The following NPAS3 variants were observed in gnomAD, a reference collection of about 807,000 sequenced individuals.
The protein encoded by NPAS3 is neuronal PAS domain-containing protein 3.
A neutral mutation model predicts 73.1 loss-of-function variants in NPAS3; 14 were observed. The ratio of observed to expected loss-of-function variants is 0.19; its 90% CI spans 0.13 to 0.30. The LOEUF is 0.30. Ranked by LOEUF, NPAS3 falls within the 10% of genes least tolerant of loss-of-function variation. The pLI is 1.00. For synonymous variants in NPAS3, 620 were observed against 541.5 expected (o/e 1.14, Z -2.01); for missense variants, 1,096 against 1,250.0 (o/e 0.88, Z 1.86).
chr14:33,300,115 G>A (rs1007082625), intron 3 of NPAS3, among the ~76,000 whole-genome samples: 4 of 152,154 alleles, frequency 2.6e-5, no homozygotes, highest in Admixed American at 6.5e-5. Flanking sequence ...AAAGATTTCA[G>A]TTTACATTTG....
At chr14:32,952,716 T>G (rs1256170001) in intron 1 of NPAS3, among the ~76,000 whole-genome samples, 2 of 152,140 alleles carry the variant, frequency 1.3e-5, no homozygotes. Flanking sequence ...TAGTTAAAAG[T>G]CACTAACTGT....
At chr14:33,751,525 C>G (rs925500724) in intron 7 of NPAS3, among the ~76,000 whole-genome samples, 2 of 152,196 alleles carry the variant, frequency 1.3e-5, no homozygotes. Flanking sequence ...ATACAAAGCA[C>G]TGCATAGACC....
rs537807459 is a variant in NPAS3, at chr14:33,499,093, C to T, written c.469-61028C>T. ...GAAAAAATTTCTTTTAAGCACAAGT[C>T]ATTAACACTGTAGGAAAAGCCCTGA... is the stretch of plus-strand genomic sequence containing the variant. On this transcript the variant is annotated intron_variant, in intron 4 of 11. Transcript: ENST00000356141. Among the ~76,000 whole-genome samples the T allele has an allele frequency of 2.4e-3, 360 of 151,580 alleles. 4 individuals carry two copies. The highest frequency in any genetic ancestry group is 8.3e-3 in the African/African-American group (345 of 41,350).
At chr14:33,665,263 G>A (rs1409810975) in intron 5 of NPAS3, among the ~76,000 whole-genome samples, 1 of 152,188 alleles carries the variant, frequency 6.6e-6, no homozygotes, top group Non-Finnish European at 1.5e-5. Flanking sequence ...CATGGACACA[G>A]GGAGGGGAAC....
chr14:33,535,278 G>A (rs1020008083), intron 4 of NPAS3, among the ~76,000 whole-genome samples: 7 of 152,102 alleles, frequency 4.6e-5, no homozygotes, highest in African/African-American at 7.2e-5. Flanking sequence ...AGTACCCTTA[G>A]GCATATGACT....
chr14:33,649,869 C>A (rs1028937694), intron 5 of NPAS3, among the ~76,000 whole-genome samples: 3 of 152,098 alleles, frequency 2.0e-5, no homozygotes, highest in African/African-American at 7.2e-5. Context: ...AGAGAGAAAC[C>A]AAGTTTGACC....
At chr14:33,246,437 G>T (rs1435931937) in intron 3 of NPAS3, among the ~76,000 whole-genome samples, 1 of 150,472 alleles carries the variant, frequency 6.6e-6, no homozygotes, top group Non-Finnish European at 1.5e-5. Flanking sequence ...TACTTGGGAG[G>T]CTGAGGCAGG....
At chr14:33,408,660 G>A (rs1043982184) in intron 4 of NPAS3, among the ~76,000 whole-genome samples, 3 of 152,140 alleles carry the variant, frequency 2.0e-5, no homozygotes, top group Admixed American at 6.6e-5. Context: ...GTTAATAGCA[G>A]CACATGTGGG....
intron 2 of NPAS3, among the ~76,000 whole-genome samples, chr14:33,106,549 A>C (rs1195918672): frequency 6.6e-6 from 1 of 152,196 alleles, no homozygotes; most frequent in Non-Finnish European, 1.5e-5. Flanking sequence ...GTGGTTGACT[A>C]ATCAGTTGAA....
chr14:33,536,381 C>A (rs1156266327), intron 4 of NPAS3, among the ~76,000 whole-genome samples: 2 of 152,118 alleles, frequency 1.3e-5, no homozygotes, highest in African/African-American at 2.4e-5. Context: ...GGGTAATAAT[C>A]ATAAACAGTA....
intron 4 of NPAS3, among the ~76,000 whole-genome samples, chr14:33,416,329 G>A (rs148195754): frequency 5.3e-4 from 80 of 152,184 alleles, no homozygotes; most frequent in African/African-American, 1.8e-3. Flanking sequence ...TTGGACAGAG[G>A]CGGGGCACTA....
intron 7 of NPAS3, among the ~76,000 whole-genome samples, chr14:33,740,698 T>A (rs1269414218): frequency 6.6e-6 from 1 of 152,228 alleles, no homozygotes; most frequent in Non-Finnish European, 1.5e-5. Flanking sequence ...GGGTCCATAG[T>A]GTTCCTTTTA....
At chr14:33,022,210 A>C (rs985594617) in intron 1 of NPAS3, among the ~76,000 whole-genome samples, 1 of 152,246 alleles carries the variant, frequency 6.6e-6, no homozygotes, top group African/African-American at 2.4e-5. Context: ...TGGGAAAATA[A>C]TGAAGACAGA....
intron 2 of NPAS3, among the ~76,000 whole-genome samples, chr14:33,160,316 C>G (rs1010091740): frequency 6.6e-6 from 1 of 151,884 alleles, no homozygotes; most frequent in Non-Finnish European, 1.5e-5. Context: ...GGTTTATTAA[C>G]TCAGTTTTGA....
chr14:32,982,304 T>C (rs367566682), intron 1 of NPAS3, among the ~76,000 whole-genome samples: 2 of 152,320 alleles, frequency 1.3e-5, no homozygotes, highest in South Asian at 2.1e-4. Context: ...ACACCTCCTA[T>C]TAGGCCCCAC....
At chr14:33,169,797 T>A (rs2045319020) in intron 2 of NPAS3, among the ~76,000 whole-genome samples, 1 of 152,340 alleles carries the variant, frequency 6.6e-6, no homozygotes, top group South Asian at 2.1e-4. Flanking sequence ...TAAGCTTTTG[T>A]ATGAAAGCAG....
chr14:33,755,400 A>G (rs536414987), intron 7 of NPAS3, among the ~76,000 whole-genome samples: 1 of 152,344 alleles, frequency 6.6e-6, no homozygotes, highest in South Asian at 2.1e-4. Flanking sequence ...CCTTCAGATT[A>G]CCCATTTTAT....
chr14:33,084,545 T>C (rs1407734767), intron 2 of NPAS3, among the ~76,000 whole-genome samples: 3 of 152,226 alleles, frequency 2.0e-5, no homozygotes, highest in Admixed American at 6.5e-5. Context: ...AACAGTGTTA[T>C]AGGTGGAAGG....
intron 4 of NPAS3, among the ~76,000 whole-genome samples, chr14:33,410,202 A>C (rs970767932): frequency 6.6e-6 from 1 of 152,216 alleles, no homozygotes; most frequent in Non-Finnish European, 1.5e-5. Context: ...AATTTACCAG[A>C]TGTGACTGAA....
Sources: allele counts gnomAD v4.1 joint callset (sites outside exome capture counted in the v4.1 genomes callset), GRCh38; gene constraint gnomAD v4.1.1; transcripts MANE v1.5; gene names NCBI Gene and HGNC (gene_info 2026-07-23, HGNC 2026-07-21).